FREM3: variants seen among roughly 807,000 people sequenced by gnomAD.
The protein encoded by FREM3 is FRAS1 related extracellular matrix 3.
FREM3 carries 105 observed loss-of-function variants against 129.1 expected under a neutral mutation model. That is an observed-to-expected ratio of 0.81 (90% CI 0.69 to 0.96). The LOEUF is 0.96. Ranked by LOEUF, FREM3 falls within the 40% of genes least tolerant of loss-of-function variation. FREM3 has a pLI of 0.00. For synonymous variants in FREM3, 1,014 were observed against 1,044.9 expected (o/e 0.97, Z 0.57); for missense variants, 2,593 against 2,666.3 (o/e 0.97, Z 0.61).
Position 143,699,144 on chromosome 4 carries a change from T to TTG in FREM3, c.1530_1531dup (p.Asn511ThrfsTer58). ...GAAGATGATATTGTCACTGTAGGTG[T>TTG]TGCTGCCATCATGCTGATACACCAC... On this transcript the variant is annotated frameshift_variant, in exon 1 of 8. Coordinates refer to ENST00000329798, the MANE Select transcript of FREM3 (RefSeq NM_001168235.2). LOFTEE classifies it high-confidence loss of function. The surrounding 1 kb of genome is among the most constrained non-coding windows in gnomAD (Gnocchi z 4.2). The TTG allele has an allele frequency of 6.5e-7, 1 of 1,537,402 alleles. No homozygotes were observed. Among genetic ancestry groups the TTG allele is most frequent in the Non-Finnish European group, 8.7e-7 (1 of 1,146,942 alleles).
chr4:143,632,167 A>C (rs1007632078), intron 2 of FREM3, among the ~76,000 whole-genome samples: 15 of 152,108 alleles, frequency 9.9e-5, no homozygotes, highest in African/African-American at 3.1e-4. Context: ...GTTATATGCT[A>C]TTGACTCTTC....
At position 143,660,478 on chromosome 4, in the gene FREM3, T is replaced by C. The variant is rs542576497; in HGVS notation, c.5275+32635A>G. 4.7e-4 allele frequency among the ~76,000 whole-genome samples: 72 copies of C among 152,326 alleles called. No individual in the cohort carries two copies. The East Asian group carries it at 0.013, about 28-fold the overall frequency. On this transcript the variant is annotated intron_variant, in intron 2 of 7. Coordinates refer to ENST00000329798, the MANE Select transcript of FREM3 (RefSeq NM_001168235.2). ...TGGTACCAGTACCATGCTGTTTTGG[T>C]TACTGTAGCCTTGTAGTATAGTTTG...
At chr4:143,661,942 T>G (rs1369194826) in intron 2 of FREM3, among the ~76,000 whole-genome samples, 2 of 152,116 alleles carry the variant, frequency 1.3e-5, no homozygotes, top group African/African-American at 4.8e-5. Flanking sequence ...GATATCCCCT[T>G]TATCATTTTT....
At chr4:143,675,039 C>G (rs541054321) in intron 2 of FREM3, among the ~76,000 whole-genome samples, 1 of 152,270 alleles carries the variant, frequency 6.6e-6, no homozygotes, top group Admixed American at 6.5e-5. Flanking sequence ...ACCAAGTGGA[C>G]CTAATAGACA....
At chr4:143,586,072 G>A in intron 6 of FREM3, 79 bp from the exon 7 acceptor site, 1 of 1,378,178 alleles carries the variant, frequency 7.3e-7, no homozygotes, top group Non-Finnish European at 9.8e-7. Context: ...GTGTGAGCCT[G>A]GGCATTTGTC....
Position 143,577,588 on chromosome 4 carries a change from G to GT in FREM3, c.*22dup, listed in dbSNP as rs530519833. The GT allele has an allele frequency of 3.3e-6, 5 of 1,528,270 alleles. No homozygotes were observed. Among genetic ancestry groups the GT allele is most frequent in the East Asian group, 2.5e-5 (1 of 40,810 alleles). 94.7% of individuals were successfully genotyped at this position (1,528,270 alleles called of 1,614,324 possible). A position where few individuals can be genotyped will look rare whatever the true frequency, so the allele number is the denominator to read the frequency against. ...TGTTGTTAGGAGACATATCTTGGCT[G>GT]TTTTTTTCCCTCTTAAAGTCTTTCA... On this transcript the variant is annotated 3_prime_UTR_variant, in exon 8 of 8. Coordinates refer to ENST00000329798, the MANE Select transcript of FREM3 (RefSeq NM_001168235.2).
At chr4:143,666,104 A>T (rs1178407448) in intron 2 of FREM3, among the ~76,000 whole-genome samples, 7 of 152,072 alleles carry the variant, frequency 4.6e-5, no homozygotes, top group African/African-American at 1.7e-4. Context: ...AACTTAAATT[A>T]TTTTGTCTTA....
At chr4:143,688,556 T>G (rs1578870574) in intron 2 of FREM3, among the ~76,000 whole-genome samples, 1 of 152,164 alleles carries the variant, frequency 6.6e-6, no homozygotes, top group East Asian at 1.9e-4. Context: ...AAAAAGAGCC[T>G]GTATAGCCAA....
intron 2 of FREM3, among the ~76,000 whole-genome samples, chr4:143,683,955 A>T (rs182446405): frequency 1.9e-4 from 29 of 152,198 alleles, no homozygotes. Context: ...GCACAACTCC[A>T]GTGACCTGGG....
At chr4:143,632,830 C>T (rs1047249697) in intron 2 of FREM3, among the ~76,000 whole-genome samples, 1 of 152,050 alleles carries the variant, frequency 6.6e-6, no homozygotes, top group African/African-American at 2.4e-5. Context: ...ATCCAAAAAC[C>T]TCATAATGTT....
chr4:143,631,500 T>C (rs1370934113), intron 2 of FREM3, among the ~76,000 whole-genome samples: 1 of 152,190 alleles, frequency 6.6e-6, no homozygotes, highest in African/African-American at 2.4e-5. Context: ...AACATTACAA[T>C]GCCTGGCTAA....
At chr4:143,641,246 A>C (rs968075060) in intron 2 of FREM3, among the ~76,000 whole-genome samples, 1 of 152,190 alleles carries the variant, frequency 6.6e-6, no homozygotes, top group Non-Finnish European at 1.5e-5. Context: ...AAATAAGATG[A>C]CTCCAACAAC....
intron 2 of FREM3, among the ~76,000 whole-genome samples, chr4:143,667,005 T>C (rs866424069): frequency 7.2e-5 from 11 of 152,120 alleles, no homozygotes; most frequent in Non-Finnish European, 1.3e-4. Context: ...CAATTTTTAA[T>C]AAAATTATTA....
chr4:143,670,532 A>C (rs1167937187), intron 2 of FREM3, among the ~76,000 whole-genome samples: 1 of 152,170 alleles, frequency 6.6e-6, no homozygotes, highest in Non-Finnish European at 1.5e-5. Flanking sequence ...CATAAAGCAA[A>C]CAAAAACAGC....
At chr4:143,664,817 T>G (rs1739822626) in intron 2 of FREM3, among the ~76,000 whole-genome samples, 2 of 152,150 alleles carry the variant, frequency 1.3e-5, no homozygotes, top group South Asian at 4.1e-4. Context: ...CCAACCTCGC[T>G]GCCGCCTTGC....
Position 143,586,098 on chromosome 4 carries a change from G to A in FREM3, c.6029-105C>T. 2.6e-6 allele frequency: 3 copies of A among 1,139,992 alleles called. No individual in the cohort carries two copies. In the South Asian group the frequency reaches 4.6e-5, roughly 17 times the overall value. The allele number at this position is 1,139,992 out of a possible 1,614,324, so 70.6% of individuals were successfully genotyped here. Reference sequence around the variant, plus strand: ...GGCATTTGTCATAATTGTCAGACATGACAGATCCCATAGGTCTTGTTTTTT... The same window carrying A: ...GGCATTTGTCATAATTGTCAGACATAACAGATCCCATAGGTCTTGTTTTTT... On this transcript the variant is annotated intron_variant, in intron 6 of 7. Coordinates refer to ENST00000329798, the MANE Select transcript of FREM3 (RefSeq NM_001168235.2).
At chr4:143,610,365 G>A (rs1352175781) in intron 6 of FREM3, among the ~76,000 whole-genome samples, 1 of 152,240 alleles carries the variant, frequency 6.6e-6, no homozygotes, top group African/African-American at 2.4e-5. Context: ...GATAGTACAC[G>A]ATAAATTTAC....
Position 143,697,183 on chromosome 4 carries a change from G to A in FREM3, c.3493C>T (p.Gln1165Ter). The change falls in exon 1 of 8, where the codon CAA becomes TAA. Residue 1165 changes from glutamine to a stop codon, truncating the protein, a stop_gained. Transcript: ENST00000329798. LOFTEE classifies it high-confidence loss of function. ...CCATCAGAGCAATAAAAGGTGAATT[G>A]GTCCTCTTGTGGCTCTACTCCCTTG... Reference protein sequence around the residue: ...IHKGVEPQEDQFTFYCSDGIN... With the variant: ...IHKGVEPQED 6.5e-7 allele frequency: 1 copy of A among 1,537,832 alleles called. No homozygotes were observed. Among genetic ancestry groups the A allele is most frequent in the Non-Finnish European group, 8.7e-7 (1 of 1,147,038 alleles).
At chr4:143,658,278 G>T (rs1007371791) in intron 2 of FREM3, among the ~76,000 whole-genome samples, 1 of 151,988 alleles carries the variant, frequency 6.6e-6, no homozygotes, top group Non-Finnish European at 1.5e-5. Flanking sequence ...TCACAAATGG[G>T]ATTAGTCCCC....
Sources: gnomAD v4.1 joint callset for allele counts (sites outside exome capture counted in the v4.1 genomes callset) on GRCh38, gnomAD v4.1.1 for gene constraint, Gnocchi (gnomAD v3.1) non-coding constraint, MANE v1.5 for transcripts, NCBI Gene and HGNC (gene_info 2026-07-23, HGNC 2026-07-21) for gene names.